Variants in GRAMD1B observed in about 807,000 individuals in gnomAD.
The protein encoded by GRAMD1B is protein Aster-B.
A neutral mutation model predicts 99.7 loss-of-function variants in GRAMD1B; 37 were observed. That is an observed-to-expected ratio of 0.37 (90% CI 0.29 to 0.49). The LOEUF (loss-of-function observed/expected upper bound fraction) is 0.49. Ranked by LOEUF, GRAMD1B falls within the 20% of genes least tolerant of loss-of-function variation. The pLI, the probability that GRAMD1B is intolerant of heterozygous loss-of-function variation, is 0.98. For missense variants in GRAMD1B, 888 were observed against 1,009.2 expected, an observed-to-expected ratio of 0.88 and a Z score of 1.63; for synonymous variants, 427 against 387.6, an observed-to-expected ratio of 1.10 and a Z score of -1.19.
intron 2 of GRAMD1B, among the ~76,000 whole-genome samples, chr11:123,534,578 G>A (rs1311489726): frequency 6.6e-6 from 1 of 151,878 alleles, no homozygotes; most frequent in Non-Finnish European, 1.5e-5. Context: ...AGAGAGACGA[G>A]CAGGCCTGGC....
At chr11:123,448,041 A>C (rs988748852) in intron 1 of GRAMD1B, among the ~76,000 whole-genome samples, 5 of 151,574 alleles carry the variant, frequency 3.3e-5, no homozygotes, top group African/African-American at 9.7e-5. Context: ...TTTAAAAAAA[A>C]AGAGAGAGAG....
chr11:123,548,325 T>TATATATATATATATAC (rs1555067740), intron 2 of GRAMD1B, among the ~76,000 whole-genome samples: 24 of 86,890 alleles, frequency 2.8e-4, no homozygotes, highest in East Asian at 2.5e-3. Context: ...TATATATATA[T>TATATATATATATATAC]ACACACACAC....
intron 2 of GRAMD1B, among the ~76,000 whole-genome samples, chr11:123,547,497 G>C (rs1446504682): frequency 2.6e-5 from 4 of 152,206 alleles, no homozygotes; most frequent in Non-Finnish European, 4.4e-5. Flanking sequence ...TGCAATGTTT[G>C]TGAGAGTGGC....
At chr11:123,423,310 C>A (rs569571843) in intron 1 of GRAMD1B, among the ~76,000 whole-genome samples, 1 of 151,526 alleles carries the variant, frequency 6.6e-6, no homozygotes, top group Non-Finnish European at 1.5e-5. Flanking sequence ...CAAATGTTCC[C>A]TCTCCTCTCC....
chr11:123,371,831 T>G (rs540655688), intron 1 of GRAMD1B, among the ~76,000 whole-genome samples: 1 of 152,296 alleles, frequency 6.6e-6, no homozygotes, highest in South Asian at 2.1e-4. Flanking sequence ...TCTCTGTCCT[T>G]ACCCCAGGCT....
chr11:123,620,594 G>T (rs867776502), intron 19 of GRAMD1B, among the ~76,000 whole-genome samples: 2 of 151,998 alleles, frequency 1.3e-5, no homozygotes, highest in Middle Eastern at 3.2e-3. Flanking sequence ...AACCAAAAGG[G>T]GACAGAAAGC....
intron 7 of GRAMD1B, chr11:123,598,993 C>A: frequency 9.3e-7 from 1 of 1,072,086 alleles, no homozygotes; most frequent in Non-Finnish European, 1.5e-6. Context: ...TTCTCAGATG[C>A]CTTCAGGTTA....
chr11:123,586,881 G>A (rs1673629313), intron 4 of GRAMD1B, among the ~76,000 whole-genome samples: 1 of 152,210 alleles, frequency 6.6e-6, no homozygotes, highest in Non-Finnish European at 1.5e-5. Flanking sequence ...CAGCCATTCT[G>A]ATATCTGAGG....
chr11:123,574,643 G>A (rs933705912), intron 2 of GRAMD1B, among the ~76,000 whole-genome samples: 1 of 152,198 alleles, frequency 6.6e-6, no homozygotes, highest in African/African-American at 2.4e-5. Flanking sequence ...CATTGAGAAT[G>A]GGCAGTCGTG....
chr11:123,472,245 A>G (rs10893044), intron 1 of GRAMD1B, among the ~76,000 whole-genome samples: 44,594 of 151,466 alleles, frequency 0.29, 7,096 homozygotes, highest in Non-Finnish European at 0.35. Context: ...AAAAAAGAGA[A>G]AAAGAAAAAA....
intron 1 of GRAMD1B, among the ~76,000 whole-genome samples, chr11:123,461,847 A>AC (rs1329945813): frequency 1.4e-5 from 2 of 145,506 alleles, no homozygotes; most frequent in Non-Finnish European, 3.0e-5. Context: ...CTCATGCGAT[A>AC]CCCCCGCCTC....
intron 2 of GRAMD1B, among the ~76,000 whole-genome samples, chr11:123,531,040 A>G (rs1471939937): frequency 1.3e-5 from 2 of 152,228 alleles, no homozygotes. Context: ...GTTGCTAGTG[A>G]TGTGGACTGT....
At chr11:123,466,394 A>AAG (rs1950670102) in intron 1 of GRAMD1B, among the ~76,000 whole-genome samples, 1 of 151,526 alleles carries the variant, frequency 6.6e-6, no homozygotes, top group Non-Finnish European at 1.5e-5. Context: ...GAAAGAAAGA[A>AAG]AAAGAAAGAA....
At chr11:123,499,071 G>A (rs556905117) in intron 2 of GRAMD1B, among the ~76,000 whole-genome samples, 18 of 152,302 alleles carry the variant, frequency 1.2e-4, no homozygotes, top group Non-Finnish European at 2.2e-4. Flanking sequence ...TAGCTTGGTG[G>A]TATGGTTTGG....
intron 1 of GRAMD1B, among the ~76,000 whole-genome samples, chr11:123,378,305 A>G (rs1421708972): frequency 1.3e-5 from 2 of 152,126 alleles, no homozygotes; most frequent in African/African-American, 4.8e-5. Context: ...AACCAGAACA[A>G]CTAGTTTAAA....
chr11:123,422,165 G>A (rs941627742), intron 1 of GRAMD1B, among the ~76,000 whole-genome samples: 3 of 152,096 alleles, frequency 2.0e-5, no homozygotes, highest in Non-Finnish European at 2.9e-5. Flanking sequence ...AGAGGGATGT[G>A]GGGGGGATAC....
chr11:123,622,587 T>C lies in GRAMD1B; in HGVS notation c.2626T>C (p.Tyr876His). ...GGAAAGTGAAGAAAAGAGGAATCGC[T>C]ATCATTGACAAGGCAGGAACAGGGT... ...TSESEEKRNR[Y>H]H The change falls in exon 20 of 20, where the codon TAT becomes CAT. Residue 876 changes from tyrosine (Y) to histidine (H), a missense_variant. Transcript: ENST00000635736. The C allele has an allele frequency of 2.6e-6, 4 of 1,544,976 alleles. No individual in the cohort carries two copies. The highest frequency in any genetic ancestry group is 3.5e-6 in the Non-Finnish European group (4 of 1,140,550).
intron 2 of GRAMD1B, among the ~76,000 whole-genome samples, chr11:123,566,277 A>G (rs1032362838): frequency 6.6e-6 from 1 of 152,258 alleles, no homozygotes; most frequent in African/African-American, 2.4e-5. Flanking sequence ...TTTTAAAATC[A>G]GGTACCCTGA....
chr11:123,564,290 A>G lies in GRAMD1B; in HGVS notation c.453-13077A>G, dbSNP rs144860544. The stretch of plus-strand genomic sequence containing the variant: ...TTTCTGGATGCTTTGCCTAATTTAG[A>G]TCTGAATCCTTCTGTCTCAGAGATG... On this transcript the variant is annotated intron_variant, in intron 2 of 19. Transcript: ENST00000635736. Among the ~76,000 whole-genome samples the G allele has an allele frequency of 5.4e-3, 824 of 152,294 alleles. 5 individuals carry two copies. Among genetic ancestry groups the G allele is most frequent in the African/African-American group, 0.018 (747 of 41,546 alleles).
Sources: allele counts gnomAD v4.1 joint callset (sites outside exome capture counted in the v4.1 genomes callset), GRCh38; gene constraint gnomAD v4.1.1; transcripts MANE v1.5; gene names NCBI Gene and HGNC (gene_info 2026-07-23, HGNC 2026-07-21).